STRIP2: variants seen among roughly 807,000 people sequenced by gnomAD.
STRIP2 encodes striatin interacting protein 2.
Under a neutral mutation model 107.1 loss-of-function variants are expected in STRIP2, and 84 were observed. That is an observed-to-expected ratio of 0.78 (90% CI 0.66 to 0.94). STRIP2 has a LOEUF of 0.94. Ranked by LOEUF, STRIP2 falls within the 40% of genes least tolerant of loss-of-function variation. The pLI, the probability that STRIP2 is intolerant of heterozygous loss-of-function variation, is 0.00. For synonymous variants in STRIP2, 394 were observed against 400.4 expected, an observed-to-expected ratio of 0.98 and a Z score of 0.19; for missense variants, 888 against 1,034.2, an observed-to-expected ratio of 0.86 and a Z score of 1.94.
intron 3 of STRIP2, among the ~76,000 whole-genome samples, chr7:129,447,523 C>T (rs1055540628): frequency 6.6e-6 from 1 of 152,186 alleles, no homozygotes; most frequent in Non-Finnish European, 1.5e-5. Context: ...AGCATAATGT[C>T]ATCAATGTAA....
rs201522888 is a variant in STRIP2 at position 129,443,460 on chromosome 7, G to GT, written c.200-556dup. ...TTGACAACCATAGCTGTTCTCTAGA[G>GT]TTTTTTTTGCAGCCTCTGCTTTGTG... is the stretch of plus-strand genomic sequence containing the variant. On this transcript the variant is annotated intron_variant, in intron 2 of 20. Transcript: ENST00000249344. 7.5e-3 allele frequency among the ~76,000 whole-genome samples: 1,147 copies of GT among 152,128 alleles called. 6 individuals are homozygous for GT. The highest frequency in any genetic ancestry group is 0.017 in the Middle Eastern group (5 of 294).
intron 17 of STRIP2, among the ~76,000 whole-genome samples, chr7:129,468,706 G>A (rs915083287): frequency 6.6e-6 from 1 of 152,192 alleles, no homozygotes; most frequent in African/African-American, 2.4e-5. Context: ...ACAACTGCAT[G>A]CAGGCACCTC....
At chr7:129,447,793 C>G (rs1222854724) in intron 3 of STRIP2, among the ~76,000 whole-genome samples, 2 of 152,210 alleles carry the variant, frequency 1.3e-5, no homozygotes, top group African/African-American at 4.8e-5. Context: ...ACATCTAGTA[C>G]AGCAGCTGCA....
At chr7:129,455,518 T>G in intron 8 of STRIP2, 147 bp downstream of exon 8, 1 of 910,026 alleles carries the variant, frequency 1.1e-6, no homozygotes, top group East Asian at 2.8e-5. Context: ...GCAACAAGGC[T>G]GTCCTAGAGA....
At chr7:129,481,766 T>C (rs1243949058) in intron 19 of STRIP2, among the ~76,000 whole-genome samples, 1 of 151,544 alleles carries the variant, frequency 6.6e-6, no homozygotes, top group African/African-American at 2.4e-5. Flanking sequence ...AGTAAAAGAA[T>C]GAGGCAGTTC....
At chr7:129,439,477 C>T (rs963331477) in intron 1 of STRIP2, among the ~76,000 whole-genome samples, 4 of 152,110 alleles carry the variant, frequency 2.6e-5, no homozygotes, top group East Asian at 1.9e-4. Flanking sequence ...ATACATACAA[C>T]GTCATGGGAA....
chr7:129,455,157 CTG>C, intron 7 of STRIP2, 85 bp from the exon 8 acceptor site: 3 of 1,487,738 alleles, frequency 2.0e-6, no homozygotes, highest in Non-Finnish European at 2.7e-6. Context: ...GAGTGCCTTC[CTG>C]TGTGTGTCCA....
intron 18 of STRIP2, 132 bp from the exon 19 acceptor site, chr7:129,480,653 A>G (rs1472878898): frequency 4.4e-6 from 3 of 688,122 alleles, no homozygotes; most frequent in African/African-American, 3.7e-5. Flanking sequence ...GTGTGTTAAG[A>G]AACAGGAAGG....
intron 18 of STRIP2, chr7:129,478,022 A>C: frequency 2.3e-6 from 1 of 435,274 alleles, no homozygotes; most frequent in Non-Finnish European, 4.6e-6. Flanking sequence ...GGAGATGGCA[A>C]CCAGCGGGCA....
chr7:129,462,571 C>T (rs1177300440), intron 13 of STRIP2, among the ~76,000 whole-genome samples: 4 of 152,174 alleles, frequency 2.6e-5, no homozygotes. Context: ...TGCTAATATT[C>T]CTTCCTGTTT....
At chr7:129,473,258 T>A (rs1479274279) in intron 18 of STRIP2, among the ~76,000 whole-genome samples, 1 of 152,222 alleles carries the variant, frequency 6.6e-6, no homozygotes, top group African/African-American at 2.4e-5. Context: ...TTCACTCATA[T>A]ATAAACACAT....
At chr7:129,450,396 G>T (rs1798151001) in intron 3 of STRIP2, among the ~76,000 whole-genome samples, 1 of 152,172 alleles carries the variant, frequency 6.6e-6, no homozygotes, top group Non-Finnish European at 1.5e-5. Flanking sequence ...ATGAGAAGCT[G>T]GTGCTGTGCT....
At chr7:129,464,859 C>T in intron 16 of STRIP2, 121 bp downstream of exon 16, 1 of 1,338,466 alleles carries the variant, frequency 7.5e-7, no homozygotes, top group East Asian at 2.3e-5. Flanking sequence ...TCTTTGTCCT[C>T]TCTCAGGGAA....
intron 20 of STRIP2, chr7:129,484,555 A>C (rs1487796545): frequency 6.6e-6 from 1 of 152,182 alleles, no homozygotes; most frequent in Non-Finnish European, 1.5e-5. Context: ...TTTTCCCAGG[A>C]CAAGTCTTAT....
chr7:129,472,636 A>G (rs1798813025), intron 18 of STRIP2, among the ~76,000 whole-genome samples: 1 of 152,184 alleles, frequency 6.6e-6, no homozygotes, highest in African/African-American at 2.4e-5. Context: ...AGTATGGTTT[A>G]TCTAAACTGG....
At chr7:129,459,033 G>A (rs1185866098) in intron 11 of STRIP2, among the ~76,000 whole-genome samples, 1 of 152,014 alleles carries the variant, frequency 6.6e-6, no homozygotes, top group African/African-American at 2.4e-5. Context: ...TTTCTCTTTC[G>A]GGCTTAATTT....
intron 18 of STRIP2, among the ~76,000 whole-genome samples, chr7:129,479,975 A>G (rs1331630105): frequency 6.6e-6 from 1 of 152,138 alleles, no homozygotes. Context: ...ACAGCAGCTC[A>G]CTTCTACATG....
chr7:129,483,292 T>G lies in STRIP2; in HGVS notation c.2254+246T>G. The G allele has an allele frequency of 2.5e-6, 3 of 1,204,020 alleles. No individual in the cohort carries two copies. Among genetic ancestry groups the G allele is most frequent in the Non-Finnish European group, 2.1e-6 (2 of 963,644 alleles). 74.6% of individuals were successfully genotyped at this position (1,204,020 alleles called of 1,614,324 possible). On this transcript the variant is annotated intron_variant, in intron 20 of 20. Transcript: ENST00000249344. The surrounding 1 kb of genome is among the most constrained non-coding windows in gnomAD (Gnocchi z 5.1). ...ACAAGTAAATTGAGAGATAATTAATTGCCTTTCCAAAACATTCTTTTAAAT... is the reference window on the plus strand; with the variant it reads ...ACAAGTAAATTGAGAGATAATTAATGGCCTTTCCAAAACATTCTTTTAAAT...
intron 17 of STRIP2, 73 bp from the exon 18 acceptor site, chr7:129,470,576 G>C (rs1024480417): frequency 8.0e-6 from 10 of 1,252,834 alleles, no homozygotes; most frequent in Non-Finnish European, 1.2e-5. Flanking sequence ...AATAACTCCT[G>C]CCCTTTCCAG....
Sources: allele counts gnomAD v4.1 joint callset (sites outside exome capture counted in the v4.1 genomes callset), GRCh38; gene constraint gnomAD v4.1.1; non-coding constraint Gnocchi (gnomAD v3.1); transcripts MANE v1.5; gene names NCBI Gene and HGNC (gene_info 2026-07-23, HGNC 2026-07-21).